Variants in LRRTM4 observed in about 807,000 individuals in gnomAD.
The protein encoded by LRRTM4 is leucine-rich repeat transmembrane neuronal protein 4.
LRRTM4 carries 25 observed loss-of-function variants against 47.6 expected under a neutral mutation model. That is an observed-to-expected ratio of 0.53 (90% CI 0.38 to 0.73). The LOEUF is 0.73. LRRTM4 is among the 30% of genes least tolerant of loss of function. The probability of loss-of-function intolerance (pLI) is 0.00; values close to 1 mark genes in which losing one functional copy is unlikely to be tolerated. For synonymous variants in LRRTM4, 311 were observed against 269.5 expected (o/e 1.15, Z -1.51); for missense variants, 638 against 713.4 (o/e 0.89, Z 1.20).
At chr2:76,995,749 C>T (rs1677178241) in intron 3 of LRRTM4, among the ~76,000 whole-genome samples, 1 of 151,994 alleles carries the variant, frequency 6.6e-6, no homozygotes, top group Non-Finnish European at 1.5e-5. Context: ...AAGATGTGAA[C>T]TCTGTAACTC....
intron 2 of LRRTM4, among the ~76,000 whole-genome samples, chr2:77,520,942 T>G: frequency 6.6e-6 from 1 of 151,896 alleles, no homozygotes; most frequent in Non-Finnish European, 1.5e-5. Context: ...GTGTTGCAGT[T>G]TCTTTTTTTT....
chr2:77,516,533 T>C, intron 3 of LRRTM4: 1 of 826,562 alleles, frequency 1.2e-6, no homozygotes, highest in Non-Finnish European at 1.5e-6. Context: ...TTTCTTTTTA[T>C]ATACCAGCCT....
chr2:77,068,994 C>T (rs368757832), intron 3 of LRRTM4, among the ~76,000 whole-genome samples: 19 of 152,318 alleles, frequency 1.2e-4, no homozygotes, highest in African/African-American at 3.1e-4. Flanking sequence ...CCAGACCCAC[C>T]CCTTTATTTG....
At chr2:76,957,062 C>T (rs1301924410) in intron 3 of LRRTM4, among the ~76,000 whole-genome samples, 1 of 151,608 alleles carries the variant, frequency 6.6e-6, no homozygotes, top group Non-Finnish European at 1.5e-5. Context: ...TATATACATA[C>T]AATGAAATAT....
At chr2:77,488,468 C>T (rs536595066) in intron 3 of LRRTM4, among the ~76,000 whole-genome samples, 19 of 152,152 alleles carry the variant, frequency 1.2e-4, no homozygotes, top group Non-Finnish European at 2.5e-4. Context: ...CCTGCCAGGA[C>T]GAATGGGTGG....
At chr2:76,860,554 G>A (rs980713738) in intron 3 of LRRTM4, among the ~76,000 whole-genome samples, 6 of 152,136 alleles carry the variant, frequency 3.9e-5, no homozygotes, top group African/African-American at 1.4e-4. Context: ...ATTTTGCTGT[G>A]TGTGTGCATG....
At chr2:77,102,545 T>G (rs923832880) in intron 3 of LRRTM4, among the ~76,000 whole-genome samples, 1 of 152,218 alleles carries the variant, frequency 6.6e-6, no homozygotes, top group African/African-American at 2.4e-5. Context: ...TCCCACGTAT[T>G]TAAATCTCCT....
chr2:77,320,742 T>C (rs1247073823), intron 3 of LRRTM4, among the ~76,000 whole-genome samples: 1 of 152,090 alleles, frequency 6.6e-6, no homozygotes, highest in East Asian at 1.9e-4. Flanking sequence ...TTAATGTTTA[T>C]TATTTAAAAA....
chr2:76,870,871 A>AC (rs1672604133), intron 3 of LRRTM4, among the ~76,000 whole-genome samples: 1 of 152,204 alleles, frequency 6.6e-6, no homozygotes, highest in African/African-American at 2.4e-5. Flanking sequence ...GTGAGATATT[A>AC]GAAAAACACA....
At chr2:77,350,505 G>A (rs994426797) in intron 3 of LRRTM4, among the ~76,000 whole-genome samples, 9 of 151,862 alleles carry the variant, frequency 5.9e-5, no homozygotes, top group East Asian at 1.9e-4. Flanking sequence ...CAGTGTTAAG[G>A]TATAACTTTG....
chr2:77,105,559 AAAT>A (rs1375136907), intron 3 of LRRTM4, among the ~76,000 whole-genome samples: 1 of 151,866 alleles, frequency 6.6e-6, no homozygotes, highest in Non-Finnish European at 1.5e-5. Flanking sequence ...ACCTAATGTT[AAAT>A]GACGAGTTAC....
At chr2:76,982,744 G>C (rs952284753) in intron 3 of LRRTM4, among the ~76,000 whole-genome samples, 5 of 151,982 alleles carry the variant, frequency 3.3e-5, no homozygotes, top group Non-Finnish European at 7.4e-5. Context: ...CAAATACCAG[G>C]ATAATTAATA....
intron 3 of LRRTM4, among the ~76,000 whole-genome samples, chr2:76,829,503 T>A (rs1671275002): frequency 6.7e-6 from 1 of 149,968 alleles, no homozygotes; most frequent in African/African-American, 2.5e-5. Flanking sequence ...CTGCACCACA[T>A]CTAATCTCTA....
In LRRTM4 at chr2:76,848,166, A is replaced by C. The variant is rs569786764; in HGVS notation, c.1552-99250T>G. On this transcript the variant is annotated intron_variant, in intron 3 of 3. Transcript: ENST00000409884. Reference sequence around the variant, plus strand: ...GTAGAAAACAACTTCTTTCCCCAATAAATTTGCCTCTTTATTACTGTGTAT... The same window carrying C: ...GTAGAAAACAACTTCTTTCCCCAATCAATTTGCCTCTTTATTACTGTGTAT... Among the ~76,000 whole-genome samples, 16 of 152,214 alleles carry C rather than the reference A, an allele frequency of 1.1e-4. No individual in the cohort carries two copies. In the East Asian group the frequency reaches 3.1e-3, roughly 29 times the overall value.
Position 77,207,567 on chromosome 2 carries a change from T to A in LRRTM4, c.1551+310751A>T, listed in dbSNP as rs112503493. ...TCATTGCAGAGTTGAGCTCACAGCA[T>A]TTGGCCATTTGTTATAAATTCATAC... On this transcript the variant is annotated intron_variant, in intron 3 of 3. Coordinates refer to ENST00000409884, the MANE Select transcript of LRRTM4 (RefSeq NM_001134745.3). 6.9e-3 allele frequency among the ~76,000 whole-genome samples: 1,045 copies of A among 151,704 alleles called. 12 individuals are homozygous for A. The highest frequency in any genetic ancestry group is 0.024 in the African/African-American group (990 of 41,426).
chr2:76,836,854 G>A (rs1671529211), intron 3 of LRRTM4, among the ~76,000 whole-genome samples: 1 of 152,104 alleles, frequency 6.6e-6, no homozygotes, highest in Non-Finnish European at 1.5e-5. Flanking sequence ...GTATGGCTGT[G>A]AGTTTTTTAG....
intron 3 of LRRTM4, among the ~76,000 whole-genome samples, chr2:77,384,954 G>A (rs1013560616): frequency 6.6e-6 from 1 of 151,924 alleles, no homozygotes; most frequent in African/African-American, 2.4e-5. Flanking sequence ...TCAAGCAGCA[G>A]GTATTTACAG....
chr2:76,797,404 C>A (rs1167915436), intron 3 of LRRTM4, among the ~76,000 whole-genome samples: 6 of 151,978 alleles, frequency 3.9e-5, no homozygotes, highest in Non-Finnish European at 8.8e-5. Flanking sequence ...ACTTTACAGA[C>A]AAGCAAATGC....
chr2:77,269,670 C>G lies in LRRTM4; in HGVS notation c.1551+248648G>C, dbSNP rs186584656. ...ATACAGAGCATGATTATACAGGGAT[C>G]ATTTATAAACAAGGATCTTTGTTAA... On this transcript the variant is annotated intron_variant, in intron 3 of 3. Transcript: ENST00000409884. Among the ~76,000 whole-genome samples the G allele has an allele frequency of 8.6e-3, 1,304 of 152,258 alleles. 31 individuals are homozygous for G. The highest frequency in any genetic ancestry group is 0.054 in the Admixed American group (825 of 15,280).
Sources: gnomAD v4.1 joint callset for allele counts (sites outside exome capture counted in the v4.1 genomes callset) on GRCh38, gnomAD v4.1.1 for gene constraint, MANE v1.5 for transcripts, NCBI Gene and HGNC (gene_info 2026-07-23, HGNC 2026-07-21) for gene names.